The following TTLL5 variants were observed in gnomAD, a reference collection of about 807,000 sequenced individuals.
TTLL5 encodes the protein tubulin polyglutamylase TTLL5.
A neutral mutation model predicts 168.4 loss-of-function variants in TTLL5; 132 were observed. The ratio of observed to expected loss-of-function variants is 0.78; its 90% CI spans 0.68 to 0.91. TTLL5 has a LOEUF of 0.91. Among genes scored for constraint, TTLL5 ranks in the 40% least tolerant of loss-of-function variants. The pLI, the probability that TTLL5 is intolerant of heterozygous loss-of-function variation, is 0.00. For synonymous variants in TTLL5, 546 were observed against 558.6 expected, an observed-to-expected ratio of 0.98 and a Z score of 0.32; for missense variants, 1,545 against 1,581.5, an observed-to-expected ratio of 0.98 and a Z score of 0.39.
intron 30 of TTLL5, among the ~76,000 whole-genome samples, chr14:75,901,151 A>G (rs1019224702): frequency 6.6e-6 from 1 of 152,206 alleles, no homozygotes. Context: ...AATATACAAC[A>G]AAAATATTAC....
chr14:75,710,641 A>AT (rs1491395648), intron 9 of TTLL5: 2 of 152,216 alleles, frequency 1.3e-5, no homozygotes, highest in Non-Finnish European at 2.9e-5. Context: ...GCGAGGGCAC[A>AT]TTGTTCCGTG....
At chr14:75,751,179 A>G (rs1594969850) in intron 17 of TTLL5, among the ~76,000 whole-genome samples, 1 of 152,214 alleles carries the variant, frequency 6.6e-6, no homozygotes, top group African/African-American at 2.4e-5. Context: ...AGCACTTATC[A>G]TGCACTGTGG....
chr14:75,671,192 A>G (rs924376123), intron 3 of TTLL5, among the ~76,000 whole-genome samples: 4 of 152,320 alleles, frequency 2.6e-5, no homozygotes, highest in African/African-American at 4.8e-5. Context: ...TCTTGGCACT[A>G]TTGTTGAAAA....
intron 28 of TTLL5, among the ~76,000 whole-genome samples, chr14:75,855,831 A>C (rs1454253906): frequency 6.6e-6 from 1 of 152,244 alleles, no homozygotes; most frequent in African/African-American, 2.4e-5. Flanking sequence ...CATTCTTTAG[A>C]GCGACATAAT....
Position 75,811,238 on chromosome 14 carries a change from A to C in TTLL5, c.3172-8769A>C, listed in dbSNP as rs138167211. 1.0e-3 allele frequency among the ~76,000 whole-genome samples: 157 copies of C among 151,318 alleles called. 1 individual carries two copies. The highest frequency in any genetic ancestry group is 3.5e-3 in the African/African-American group (146 of 41,182). ...AGAAGGGTCTGCAACCAAGGTTCTC[A>C]TATAGCATGGTTCTGTCAGAACCTG... is the stretch of plus-strand genomic sequence containing the variant. On this transcript the variant is annotated intron_variant, in intron 27 of 31. Transcript: ENST00000298832.
rs753792772 is a variant in TTLL5, at chr14:75,792,948, A to T, written c.3019A>T (p.Ile1007Leu). 1.2e-6 allele frequency: 2 copies of T among 1,611,250 alleles called. No individual in the cohort carries two copies. Among genetic ancestry groups the T allele is most frequent in the Non-Finnish European group, 1.7e-6 (2 of 1,178,266 alleles). The change falls in exon 27 of 32, where the codon ATA (isoleucine) becomes TTA (leucine). Residue 1007 changes from isoleucine (I) to leucine (L), a missense_variant. Transcript: ENST00000298832. ...SCYLNKHHSG[I>L]AKTQKEGEDA... is the part of the protein sequence containing the mutation. ...CTATCTAAACAAGCATCATTCAGGA[A>T]TAGCCAAAACACAAAAAGAGGGAGA...
chr14:75,808,125 A>G (rs1042912987), intron 27 of TTLL5, among the ~76,000 whole-genome samples: 1 of 152,194 alleles, frequency 6.6e-6, no homozygotes, highest in Admixed American at 6.5e-5. Flanking sequence ...TGGAAACCCT[A>G]CGAAGAGATT....
At chr14:75,703,805 C>G (rs1886452426) in intron 7 of TTLL5, among the ~76,000 whole-genome samples, 1 of 152,106 alleles carries the variant, frequency 6.6e-6, no homozygotes. Context: ...CTTTGTTTTT[C>G]TCATTGCTCA....
intron 27 of TTLL5, among the ~76,000 whole-genome samples, chr14:75,802,465 A>G (rs1893378405): frequency 6.6e-6 from 1 of 152,260 alleles, no homozygotes; most frequent in Non-Finnish European, 1.5e-5. Flanking sequence ...ATGAGTATAG[A>G]ATATTGAAGT....
chr14:75,709,293 T>G (rs747615355), intron 9 of TTLL5: 5 of 723,686 alleles, frequency 6.9e-6, no homozygotes, highest in South Asian at 4.3e-5. Context: ...GAATGGTCTT[T>G]TAATGATTTT....
chr14:75,717,445 A>G (rs1315790131), intron 9 of TTLL5, among the ~76,000 whole-genome samples: 1 of 152,172 alleles, frequency 6.6e-6, no homozygotes, highest in African/African-American at 2.4e-5. Context: ...CTAATGCTGC[A>G]TCTTTCACAG....
intron 31 of TTLL5, among the ~76,000 whole-genome samples, chr14:75,913,239 C>T (rs1231226185): frequency 6.6e-6 from 1 of 152,194 alleles, no homozygotes; most frequent in Non-Finnish European, 1.5e-5. Flanking sequence ...CTCCCATACA[C>T]AGTTTCCTCT....
At chr14:75,664,813 G>GT (rs1883130524) in intron 2 of TTLL5, among the ~76,000 whole-genome samples, 1 of 152,154 alleles carries the variant, frequency 6.6e-6, no homozygotes, top group African/African-American at 2.4e-5. Flanking sequence ...TCTGCTGCAA[G>GT]TATCAGTCTT....
chr14:75,747,085 C>T (rs1381736557), intron 17 of TTLL5, among the ~76,000 whole-genome samples: 1 of 151,850 alleles, frequency 6.6e-6, no homozygotes, highest in Non-Finnish European at 1.5e-5. Flanking sequence ...TATATTTTAC[C>T]ACAAATCTGG....
chr14:75,907,279 G>A (rs1048914836), intron 31 of TTLL5, among the ~76,000 whole-genome samples: 7 of 152,236 alleles, frequency 4.6e-5, no homozygotes, highest in South Asian at 2.1e-4. Flanking sequence ...CTCATACACC[G>A]AAGGCATGGT....
chr14:75,851,722 C>T (rs1197485563), intron 28 of TTLL5, among the ~76,000 whole-genome samples: 1 of 152,202 alleles, frequency 6.6e-6, no homozygotes, highest in Non-Finnish European at 1.5e-5. Context: ...CTCCTGCTCA[C>T]ACATCTGAGT....
intron 31 of TTLL5, among the ~76,000 whole-genome samples, chr14:75,926,036 C>T (rs1416581816): frequency 2.0e-5 from 3 of 147,642 alleles, no homozygotes; most frequent in South Asian, 2.1e-4. Flanking sequence ...AGAGGGAGAC[C>T]GGGGAAAGAG....
intron 30 of TTLL5, among the ~76,000 whole-genome samples, chr14:75,892,618 A>C (rs1198373841): frequency 1.3e-5 from 2 of 152,212 alleles, no homozygotes; most frequent in Admixed American, 1.3e-4. Flanking sequence ...AGCGCAGAAC[A>C]GTCCCTCACT....
intron 31 of TTLL5, among the ~76,000 whole-genome samples, chr14:75,922,906 A>C (rs566173743): frequency 1.1e-3 from 164 of 152,076 alleles, no homozygotes; most frequent in African/African-American, 3.9e-3. Context: ...TCAATTTCAG[A>C]GCCTGTTATT....
Sources: gnomAD v4.1 joint callset for allele counts (sites outside exome capture counted in the v4.1 genomes callset) on GRCh38, gnomAD v4.1.1 for gene constraint, MANE v1.5 for transcripts, NCBI Gene and HGNC (gene_info 2026-07-23, HGNC 2026-07-21) for gene names.